Variants in CFTR observed in about 807,000 individuals in gnomAD.
The protein encoded by CFTR is CF transmembrane conductance regulator, also known as cystic fibrosis transmembrane conductance regulator.
Under a neutral mutation model 171.6 loss-of-function variants are expected in CFTR, and 181 were observed. The ratio of observed to expected loss-of-function variants is 1.05; its 90% CI spans 0.93 to 1.19. CFTR has a LOEUF of 1.19. Among genes scored for constraint, CFTR ranks in the 50% most tolerant of loss-of-function variants. The pLI is 0.00. For synonymous variants in CFTR, 583 were observed against 608.0 expected (o/e 0.96, Z 0.60); for missense variants, 1,968 against 1,734.7 (o/e 1.13, Z -2.39).
intron 11 of CFTR, among the ~76,000 whole-genome samples, chr7:117,564,315 CA>C (rs751244093): frequency 2.0e-5 from 3 of 152,200 alleles, no homozygotes; most frequent in Non-Finnish European, 4.4e-5. Flanking sequence ...GTTATCTTGA[CA>C]GTCAAAATCA....
intron 20 of CFTR, among the ~76,000 whole-genome samples, chr7:117,614,329 T>G (rs1380959177): frequency 6.6e-6 from 1 of 152,158 alleles, no homozygotes; most frequent in African/African-American, 2.4e-5. Context: ...ACCTACCCAT[T>G]ACCAACAACA....
chr7:117,484,103 A>G (rs1303179401), intron 1 of CFTR, among the ~76,000 whole-genome samples: 3 of 152,198 alleles, frequency 2.0e-5, no homozygotes, highest in African/African-American at 7.2e-5. Context: ...TGGCTAAGCC[A>G]TAAATATTTT....
At chr7:117,653,573 A>G (rs1268912348) in intron 24 of CFTR, among the ~76,000 whole-genome samples, 2 of 152,068 alleles carry the variant, frequency 1.3e-5, no homozygotes, top group Non-Finnish European at 2.9e-5. Context: ...CTACATTCTA[A>G]TACTATCACC....
At chr7:117,634,307 G>T (rs1792794071) in intron 22 of CFTR, among the ~76,000 whole-genome samples, 1 of 152,004 alleles carries the variant, frequency 6.6e-6, no homozygotes, top group African/African-American at 2.4e-5. Context: ...CTTTTAATGT[G>T]CAAGGGATCT....
chr7:117,510,696 A>G (rs2116644031), intron 3 of CFTR, among the ~76,000 whole-genome samples: 1 of 152,306 alleles, frequency 6.6e-6, no homozygotes, highest in African/African-American at 2.4e-5. Context: ...TGTATGCAAA[A>G]ACACCCACCT....
intron 6 of CFTR, 47 bp from the exon 7 acceptor site, chr7:117,536,501 T>G: frequency 6.5e-7 from 1 of 1,536,276 alleles, no homozygotes; most frequent in Non-Finnish European, 8.8e-7. Context: ...TAATTTGACT[T>G]GTTTTTACTA....
At chr7:117,521,003 C>G (rs1161677948) in intron 3 of CFTR, among the ~76,000 whole-genome samples, 1 of 151,824 alleles carries the variant, frequency 6.6e-6, no homozygotes, top group African/African-American at 2.4e-5. Flanking sequence ...TTTTAAGACT[C>G]TCCATTTATT....
chr7:117,611,622 G>C lies in CFTR; in HGVS notation c.3181G>C (p.Gly1061Arg), dbSNP rs142394380. The change falls in exon 20 of 27, where the codon GGA becomes CGA. Residue 1061 changes from glycine (G) to arginine (R), a missense_variant. Gly to Arg is a moderately radical substitution (Grantham distance 125, BLOSUM62 -2). Transcript: ENST00000003084. ...CACTCATCTTGTTACAAGCTTAAAA[G>C]GACTATGGACACTTCGTGCCTTCGG... ...IFTHLVTSLKGLWTLRAFGRQ... is the reference protein window; with the variant it reads ...IFTHLVTSLKRLWTLRAFGRQ... The C allele has an allele frequency of 1.9e-6, 3 of 1,613,334 alleles. No homozygotes were observed. Among genetic ancestry groups the C allele is most frequent in the Non-Finnish European group, 2.5e-6 (3 of 1,179,562 alleles).
At chr7:117,553,370 A>G (rs1167434470) in intron 10 of CFTR, among the ~76,000 whole-genome samples, 1 of 152,188 alleles carries the variant, frequency 6.6e-6, no homozygotes, top group Admixed American at 6.5e-5. Context: ...AAAGAACAAC[A>G]CTACAAATAA....
intron 7 of CFTR, 69 bp from the exon 8 acceptor site, chr7:117,540,031 C>A: frequency 7.6e-7 from 1 of 1,317,150 alleles, no homozygotes; most frequent in Non-Finnish European, 1.1e-6. Context: ...TCAGATCTTC[C>A]ATTCCAAGAT....
At chr7:117,549,100 C>G (rs896353029) in intron 10 of CFTR, among the ~76,000 whole-genome samples, 2 of 152,238 alleles carry the variant, frequency 1.3e-5, no homozygotes, top group Non-Finnish European at 2.9e-5. Context: ...CATTCAATAA[C>G]TTTATTGAAT....
intron 24 of CFTR, among the ~76,000 whole-genome samples, chr7:117,655,087 A>G (rs928183767): frequency 6.6e-6 from 1 of 152,120 alleles, no homozygotes; most frequent in Non-Finnish European, 1.5e-5. Flanking sequence ...TTACTTATCA[A>G]ATTTGGCCAC....
At chr7:117,510,990 C>T (rs1798508429) in intron 3 of CFTR, among the ~76,000 whole-genome samples, 1 of 152,102 alleles carries the variant, frequency 6.6e-6, no homozygotes, top group Non-Finnish European at 1.5e-5. Context: ...ATATCCCAGT[C>T]TCTTTAGCTC....
At chr7:117,551,413 AGTT>A (rs1339507320) in intron 10 of CFTR, among the ~76,000 whole-genome samples, 3 of 152,214 alleles carry the variant, frequency 2.0e-5, no homozygotes, top group African/African-American at 7.2e-5. Context: ...AAATTTATCA[AGTT>A]GTTATCTCTG....
rs907898232 is a variant in CFTR at position 117,645,384 on chromosome 7, T to C, written c.3873+2791T>C. On this transcript the variant is annotated intron_variant, in intron 23 of 26. Transcript: ENST00000003084. ...AATGAAAAGTTCAAAATTACACTCA[T>C]TGTCATAAGTCAGAGATCAAAGGAA... Among the ~76,000 whole-genome samples the C allele has an allele frequency of 5.3e-5, 8 of 152,188 alleles. No homozygotes were observed. In the South Asian group the frequency reaches 1.0e-3, roughly 20 times the overall value.
At chr7:117,644,046 T>C (rs1423911650) in intron 23 of CFTR, among the ~76,000 whole-genome samples, 1 of 151,386 alleles carries the variant, frequency 6.6e-6, no homozygotes, top group African/African-American at 2.4e-5. Context: ...CCAAAGTGAG[T>C]CTCCCAAGTT....
At chr7:117,649,484 AGTG>A (rs1331033600) in intron 23 of CFTR, among the ~76,000 whole-genome samples, 4,311 of 118,970 alleles carry the variant, frequency 0.036, 161 homozygotes, top group African/African-American at 0.12. Context: ...ATATATATAT[AGTG>A]TGTGTGTGTG....
At position 117,480,082 on chromosome 7, in the gene CFTR, C is replaced by G. The variant is rs902914688; in HGVS notation, c.-13C>G. 2 of 1,613,786 alleles carry G rather than the reference C, an allele frequency of 1.2e-6. No individual in the cohort carries two copies. Among genetic ancestry groups the G allele is most frequent in the Non-Finnish European group, 1.7e-6 (2 of 1,179,850 alleles). ...CAGACGGCCCTAGCAGGGACCCCAG[C>G]GCCCGAGAGACCATGCAGAGGTCGC... On this transcript the variant is annotated 5_prime_UTR_variant, in exon 1 of 27. Transcript: ENST00000003084.
At chr7:117,627,430 G>C (rs1436430089) in intron 21 of CFTR, 92 bp from the exon 22 acceptor site, 1 of 1,324,978 alleles carries the variant, frequency 7.5e-7, no homozygotes, top group Non-Finnish European at 1.1e-6. Context: ...AGCAAGTGTT[G>C]CATTTTACAA....
Sources: allele counts gnomAD v4.1 joint callset (sites outside exome capture counted in the v4.1 genomes callset), GRCh38; gene constraint gnomAD v4.1.1; transcripts MANE v1.5; gene names NCBI Gene and HGNC (gene_info 2026-07-23, HGNC 2026-07-21).